TRHDE: variants seen among roughly 807,000 people sequenced by gnomAD.
The protein encoded by TRHDE is thyrotropin-releasing hormone-degrading ectoenzyme.
In TRHDE, 72 loss-of-function variants were observed where a neutral mutation model predicts 125.7. That is an observed-to-expected ratio of 0.57 (90% confidence interval 0.47 to 0.70). The LOEUF is 0.70. Ranked by LOEUF, TRHDE falls within the 30% of genes least tolerant of loss-of-function variation. The pLI, the probability that TRHDE is intolerant of heterozygous loss-of-function variation, is 0.00. For missense variants in TRHDE, 1,110 were observed against 1,327.1 expected, an observed-to-expected ratio of 0.84 and a Z score of 2.54; for synonymous variants, 509 against 509.1, an observed-to-expected ratio of 1.00 and a Z score of 0.00.
At chr12:72,417,185 G>T (rs1304211413) in intron 3 of TRHDE, among the ~76,000 whole-genome samples, 2 of 151,912 alleles carry the variant, frequency 1.3e-5, no homozygotes, top group Non-Finnish European at 2.9e-5. Flanking sequence ...TTAGCATATA[G>T]AAATTCTATT....
rs1250069289 is a variant in TRHDE, at chr12:72,362,174, C to T, written c.1189-15821C>T. Reference sequence around the variant, plus strand: ...CAATGGTTGAACTAGTTTACAGTCCCACCAACAGTGTAAAAGTGTTCCTAT... The same window carrying T: ...CAATGGTTGAACTAGTTTACAGTCCTACCAACAGTGTAAAAGTGTTCCTAT... On this transcript the variant is annotated intron_variant, in intron 2 of 18. Coordinates refer to ENST00000261180, the MANE Select transcript of TRHDE (RefSeq NM_013381.3). Among the ~76,000 whole-genome samples, 4 of 138,562 alleles carry T rather than the reference C, an allele frequency of 2.9e-5. No homozygotes were observed. The East Asian group carries it at 6.4e-4, about 22-fold the overall frequency. The allele number at this position is 138,562 out of a possible 152,430, so 90.9% of individuals were successfully genotyped here.
intron 1 of TRHDE, among the ~76,000 whole-genome samples, chr12:72,284,970 G>A (rs907921886): frequency 2.0e-5 from 3 of 152,138 alleles, no homozygotes; most frequent in South Asian, 4.1e-4. Context: ...TTAACCAAGC[G>A]TGGTGTGTAG....
At chr12:72,647,902 C>A (rs1481310508) in intron 15 of TRHDE, among the ~76,000 whole-genome samples, 1 of 152,062 alleles carries the variant, frequency 6.6e-6, no homozygotes, top group Non-Finnish European at 1.5e-5. Flanking sequence ...AGGAACACTT[C>A]CAAACTTATG....
At chr12:72,440,430 AT>A (rs1445834409) in intron 3 of TRHDE, among the ~76,000 whole-genome samples, 1 of 151,860 alleles carries the variant, frequency 6.6e-6, no homozygotes, top group Non-Finnish European at 1.5e-5. Flanking sequence ...TCACATACAT[AT>A]TTTTAAGAAT....
At chr12:72,360,165 T>C (rs543035678) in intron 2 of TRHDE, among the ~76,000 whole-genome samples, 2 of 151,750 alleles carry the variant, frequency 1.3e-5, no homozygotes, top group East Asian at 1.9e-4. Context: ...ACAAAGAACA[T>C]TTTGACCTTG....
intron 15 of TRHDE, among the ~76,000 whole-genome samples, chr12:72,646,372 G>A (rs1874280829): frequency 6.6e-6 from 1 of 151,632 alleles, no homozygotes; most frequent in Non-Finnish European, 1.5e-5. Flanking sequence ...ACAAATCACA[G>A]CATATCAATA....
intron 2 of TRHDE, among the ~76,000 whole-genome samples, chr12:72,336,075 G>A (rs940551572): frequency 6.6e-6 from 1 of 152,184 alleles, no homozygotes; most frequent in African/African-American, 2.4e-5. Flanking sequence ...TGAGGCTGGA[G>A]ATGCAGTTTT....
intron 3 of TRHDE, among the ~76,000 whole-genome samples, chr12:72,451,509 G>T (rs1272243464): frequency 2.0e-5 from 3 of 152,078 alleles, no homozygotes; most frequent in East Asian, 3.9e-4. Context: ...CCAGCACTTT[G>T]GTGTTTTTAT....
intron 2 of TRHDE, among the ~76,000 whole-genome samples, chr12:72,184,871 G>T (rs541203713): frequency 6.6e-6 from 1 of 152,162 alleles, no homozygotes; most frequent in Non-Finnish European, 1.5e-5. Context: ...AGGTGACAGC[G>T]TGCTGGCAGT....
intron 2 of TRHDE, among the ~76,000 whole-genome samples, chr12:72,195,949 G>C (rs1592478920): frequency 6.6e-6 from 1 of 152,074 alleles, no homozygotes; most frequent in African/African-American, 2.4e-5. Flanking sequence ...CATATGGCTA[G>C]CCAGCTATCC....
At chr12:72,089,656 G>A (rs1874746663) in intron 1 of TRHDE, among the ~76,000 whole-genome samples, 1 of 152,108 alleles carries the variant, frequency 6.6e-6, no homozygotes, top group South Asian at 2.1e-4. Flanking sequence ...ATTTAACAAT[G>A]CACCACTTAA....
chr12:72,660,538 G>C (rs1874876473), intron 18 of TRHDE, among the ~76,000 whole-genome samples: 1 of 152,152 alleles, frequency 6.6e-6, no homozygotes, highest in Admixed American at 6.5e-5. Context: ...CTCACCTCTT[G>C]CCTTCTAGGT....
chr12:72,240,474 C>A (rs1402903360), intron 2 of TRHDE, among the ~76,000 whole-genome samples: 1 of 151,746 alleles, frequency 6.6e-6, no homozygotes, highest in East Asian at 1.9e-4. Flanking sequence ...GGCATAATAA[C>A]GATCAGATAG....
At chr12:72,593,545 TAGGGTACCTGTGCACAACGTGC>T (rs1194423862) in intron 12 of TRHDE, among the ~76,000 whole-genome samples, 1 of 152,184 alleles carries the variant, frequency 6.6e-6, no homozygotes. Flanking sequence ...CTTTAAGTTC[TAGGGTACCTGTGCACAACGTGC>T]AGGTTTGTTA....
chr12:72,410,995 A>T (rs1162719790), intron 3 of TRHDE, among the ~76,000 whole-genome samples: 1 of 152,052 alleles, frequency 6.6e-6, no homozygotes, highest in Non-Finnish European at 1.5e-5. Context: ...GATTGAGACC[A>T]TCCTGGCTAA....
intron 2 of TRHDE, among the ~76,000 whole-genome samples, chr12:72,356,199 T>C (rs535433615): frequency 6.6e-6 from 1 of 151,762 alleles, no homozygotes; most frequent in Non-Finnish European, 1.5e-5. Context: ...TATGGTATAT[T>C]ACACAGCCAT....
At chr12:72,189,614 G>A (rs1877298227) in intron 2 of TRHDE, among the ~76,000 whole-genome samples, 1 of 152,178 alleles carries the variant, frequency 6.6e-6, no homozygotes, top group Admixed American at 6.5e-5. Context: ...AGTTACCTTG[G>A]TGAAATTTCT....
At chr12:72,595,863 T>C (rs760232149) in intron 12 of TRHDE, among the ~76,000 whole-genome samples, 2 of 152,124 alleles carry the variant, frequency 1.3e-5, no homozygotes, top group Non-Finnish European at 1.5e-5. Flanking sequence ...TATATAACAG[T>C]CCTTGGCAGA....
At chr12:72,475,726 G>A (rs1876861888) in intron 5 of TRHDE, among the ~76,000 whole-genome samples, 1 of 152,130 alleles carries the variant, frequency 6.6e-6, no homozygotes, top group South Asian at 2.1e-4. Context: ...AGGTGAGTCA[G>A]ATATAAGATT....
Sources: gnomAD v4.1 joint callset for allele counts (sites outside exome capture counted in the v4.1 genomes callset) on GRCh38, gnomAD v4.1.1 for gene constraint, MANE v1.5 for transcripts, NCBI Gene and HGNC (gene_info 2026-07-23, HGNC 2026-07-21) for gene names.